Variants in LRP1B observed in about 807,000 individuals in gnomAD.
LRP1B encodes low-density lipoprotein receptor-related protein 1B.
LRP1B carries 217 observed loss-of-function variants against 556.6 expected under a neutral mutation model. The ratio of observed to expected loss-of-function variants is 0.39; its 90% CI spans 0.35 to 0.44. The LOEUF (loss-of-function observed/expected upper bound fraction) is 0.44. Ranked by LOEUF, LRP1B falls within the 20% of genes least tolerant of loss-of-function variation. The pLI, the probability that LRP1B is intolerant of heterozygous loss-of-function variation, is 1.00. For missense variants in LRP1B, 5,053 were observed against 5,620.8 expected (o/e 0.90, Z 3.23); for synonymous variants, 2,047 against 1,865.8 (o/e 1.10, Z -2.50).
chr2:141,003,820 A>G (rs189789644), intron 15 of LRP1B, among the ~76,000 whole-genome samples: 1 of 152,114 alleles, frequency 6.6e-6, no homozygotes, highest in Non-Finnish European at 1.5e-5. Flanking sequence ...AAACTGTATT[A>G]CAAAATGCCA....
intron 1 of LRP1B, among the ~76,000 whole-genome samples, chr2:142,092,436 C>T (rs1706207564): frequency 6.6e-6 from 1 of 152,026 alleles, no homozygotes; most frequent in African/African-American, 2.4e-5. Flanking sequence ...CATTTCTGAA[C>T]ATTGCCCTCA....
chr2:140,857,182 T>C (rs1320565576), intron 27 of LRP1B, among the ~76,000 whole-genome samples: 3 of 152,224 alleles, frequency 2.0e-5, no homozygotes, highest in Non-Finnish European at 4.4e-5. Flanking sequence ...TAAATGTTCA[T>C]GCAATATAAA....
intron 60 of LRP1B, among the ~76,000 whole-genome samples, chr2:140,469,502 C>G (rs541810321): frequency 2.4e-4 from 36 of 152,288 alleles, no homozygotes; most frequent in African/African-American, 8.7e-4. Context: ...AAAGTAACAT[C>G]ATTGCTCTTT....
intron 2 of LRP1B, among the ~76,000 whole-genome samples, chr2:141,627,343 C>G (rs1688735941): frequency 6.6e-6 from 1 of 152,168 alleles, no homozygotes; most frequent in South Asian, 2.1e-4. Flanking sequence ...TGAAGCTACT[C>G]TATAATATCA....
At chr2:142,019,242 A>G (rs1228192773) in intron 1 of LRP1B, among the ~76,000 whole-genome samples, 7 of 152,180 alleles carry the variant, frequency 4.6e-5, no homozygotes, top group Admixed American at 4.6e-4. Flanking sequence ...ACTATCAGTT[A>G]GTCTAAATTA....
intron 1 of LRP1B, among the ~76,000 whole-genome samples, chr2:141,919,473 A>C (rs1207163164): frequency 6.6e-6 from 1 of 152,062 alleles, no homozygotes; most frequent in African/African-American, 2.4e-5. Flanking sequence ...CAAAATGTTA[A>C]GAGAGTATAT....
chr2:140,767,258 T>G (rs925483043), intron 35 of LRP1B, among the ~76,000 whole-genome samples: 1 of 152,064 alleles, frequency 6.6e-6, no homozygotes, highest in African/African-American at 2.4e-5. Context: ...TCTGTATGCT[T>G]GCATCCCTTT....
chr2:141,379,115 A>G (rs889036806), intron 3 of LRP1B, among the ~76,000 whole-genome samples: 1 of 152,194 alleles, frequency 6.6e-6, no homozygotes, highest in Non-Finnish European at 1.5e-5. Context: ...TAAAAGCAGT[A>G]AAGAAGCAGC....
At chr2:142,078,460 C>T (rs568376146) in intron 1 of LRP1B, among the ~76,000 whole-genome samples, 2 of 152,178 alleles carry the variant, frequency 1.3e-5, no homozygotes, top group South Asian at 2.1e-4. Flanking sequence ...GCTGTTGATA[C>T]TATCATCTGT....
chr2:141,902,466 C>G (rs1699647516), intron 1 of LRP1B, among the ~76,000 whole-genome samples: 1 of 151,952 alleles, frequency 6.6e-6, no homozygotes, highest in Admixed American at 6.6e-5. Flanking sequence ...GATTTAGCTT[C>G]TTCAAAGCCT....
intron 2 of LRP1B, 135 bp from the exon 3 acceptor site, chr2:141,480,668 T>C: frequency 2.3e-6 from 2 of 864,686 alleles, no homozygotes; most frequent in South Asian, 1.4e-5. Context: ...GCTCTTGTTC[T>C]CAGAGACATT....
At chr2:140,670,246 C>T (rs1186508644) in intron 41 of LRP1B, among the ~76,000 whole-genome samples, 1 of 152,070 alleles carries the variant, frequency 6.6e-6, no homozygotes, top group Non-Finnish European at 1.5e-5. Context: ...TGAAACTTAA[C>T]TAAAATTTTA....
chr2:141,390,783 G>A (rs777323328), intron 3 of LRP1B, among the ~76,000 whole-genome samples: 1 of 152,224 alleles, frequency 6.6e-6, no homozygotes. Flanking sequence ...GGAGTGAGGG[G>A]AGAATGAAGA....
At chr2:140,726,602 G>T (rs1687603415) in intron 35 of LRP1B, among the ~76,000 whole-genome samples, 1 of 152,016 alleles carries the variant, frequency 6.6e-6, no homozygotes, top group Non-Finnish European at 1.5e-5. Flanking sequence ...TCATACCTTT[G>T]GCATGTGACA....
At chr2:141,799,822 G>GTGTGTGTGTGTGTC (rs1031286283) in intron 2 of LRP1B, among the ~76,000 whole-genome samples, 2 of 151,192 alleles carry the variant, frequency 1.3e-5, no homozygotes, top group African/African-American at 4.9e-5. Flanking sequence ...GTGTGTGTGT[G>GTGTGTGTGTGTGTC]TGTGTGTGTA....
chr2:140,281,335 C>G (rs1682905117), intron 84 of LRP1B, among the ~76,000 whole-genome samples: 1 of 151,856 alleles, frequency 6.6e-6, no homozygotes, highest in Non-Finnish European at 1.5e-5. Context: ...ATTGCCAAAA[C>G]TATTTAGCTA....
At chr2:140,801,740 C>G (rs1162881732) in intron 32 of LRP1B, among the ~76,000 whole-genome samples, 1 of 152,086 alleles carries the variant, frequency 6.6e-6, no homozygotes, top group Non-Finnish European at 1.5e-5. Context: ...ATGAGCATTT[C>G]TGAGTAACGC....
At chr2:141,547,788 C>G (rs539297261) in intron 2 of LRP1B, among the ~76,000 whole-genome samples, 25 of 152,098 alleles carry the variant, frequency 1.6e-4, no homozygotes, top group Admixed American at 5.2e-4. Context: ...CTAATTAATC[C>G]TGAATCAATT....
chr2:141,440,103 T>TAAA (rs1208876587), intron 3 of LRP1B, among the ~76,000 whole-genome samples: 2 of 152,110 alleles, frequency 1.3e-5, no homozygotes, highest in African/African-American at 4.8e-5. Context: ...ATCACGTATA[T>TAAA]TATTTGCCCC....
Sources: gnomAD v4.1 joint callset for allele counts (sites outside exome capture counted in the v4.1 genomes callset) on GRCh38, gnomAD v4.1.1 for gene constraint, MANE v1.5 for transcripts, NCBI Gene and HGNC (gene_info 2026-07-23, HGNC 2026-07-21) for gene names.